The following RHOJ variants were observed in gnomAD, a reference collection of about 807,000 sequenced individuals.
RHOJ encodes rho-related GTP-binding protein RhoJ.
Under a neutral mutation model 23.4 loss-of-function variants are expected in RHOJ, and 11 were observed. That is an observed-to-expected ratio of 0.47 (90% CI 0.30 to 0.78). The LOEUF (loss-of-function observed/expected upper bound fraction) is 0.78. Ranked by LOEUF, RHOJ falls within the 30% of genes least tolerant of loss-of-function variation. RHOJ has a pLI of 0.08. For missense variants in RHOJ, 254 were observed against 273.4 expected, an observed-to-expected ratio of 0.93 and a Z score of 0.50; for synonymous variants, 102 against 102.7, an observed-to-expected ratio of 0.99 and a Z score of 0.04.
chr14:63,260,891 C>T (rs1385433017), intron 1 of RHOJ, among the ~76,000 whole-genome samples: 1 of 151,822 alleles, frequency 6.6e-6, no homozygotes. Flanking sequence ...ATATAAATAC[C>T]TGATAGTACT....
intron 1 of RHOJ, among the ~76,000 whole-genome samples, chr14:63,263,802 T>C (rs1895315651): frequency 6.6e-6 from 1 of 152,160 alleles, no homozygotes; most frequent in Non-Finnish European, 1.5e-5. Flanking sequence ...GCCATCAGAA[T>C]GAAGCCTCAG....
At chr14:63,206,480 A>G (rs1248693498) in intron 1 of RHOJ, among the ~76,000 whole-genome samples, 7 of 152,196 alleles carry the variant, frequency 4.6e-5, no homozygotes, top group Admixed American at 3.9e-4. Context: ...CATCTTAGCA[A>G]AAGTTATTTA....
At chr14:63,283,356 C>G (rs575523238) in intron 4 of RHOJ, 140 bp downstream of exon 4, 2 of 720,560 alleles carry the variant, frequency 2.8e-6, no homozygotes, top group Admixed American at 2.1e-5. Flanking sequence ...CTATTCTCCC[C>G]CTCTGTTCTA....
chr14:63,229,935 C>T (rs1894660625), intron 1 of RHOJ, among the ~76,000 whole-genome samples: 1 of 152,182 alleles, frequency 6.6e-6, no homozygotes. Context: ...CACTAATTAT[C>T]CCTAAGGAAT....
In RHOJ at chr14:63,227,507, A is replaced by T. The variant is rs546961415; in HGVS notation, c.178+22460A>T. ...CAATCTTAATAAAAAGTCTAGTTCA[A>T]GTTTATATAGAAAAACAAAACAAAC... On this transcript the variant is annotated intron_variant, in intron 1 of 4. Transcript: ENST00000316754. Among the ~76,000 whole-genome samples the T allele has an allele frequency of 2.0e-5, 3 of 152,338 alleles. No homozygotes were observed. The South Asian group carries it at 6.2e-4, about 32-fold the overall frequency.
chr14:63,231,519 T>C (rs1404161180), intron 1 of RHOJ, among the ~76,000 whole-genome samples: 2 of 152,212 alleles, frequency 1.3e-5, no homozygotes, highest in African/African-American at 2.4e-5. Context: ...TGTATAGCCA[T>C]GTTAGGAATG....
intron 1 of RHOJ, among the ~76,000 whole-genome samples, chr14:63,252,583 C>T (rs1170507964): frequency 6.6e-6 from 1 of 152,128 alleles, no homozygotes; most frequent in East Asian, 1.9e-4. Context: ...ATCAATAGTC[C>T]TCTAGTGTGC....
intron 2 of RHOJ, among the ~76,000 whole-genome samples, chr14:63,275,929 T>C (rs1232511261): frequency 2.6e-5 from 4 of 152,328 alleles, no homozygotes; most frequent in Non-Finnish European, 5.9e-5. Flanking sequence ...GGGGACACTT[T>C]CTTTTATTAA....
chr14:63,275,241 A>G (rs1416706309), intron 2 of RHOJ, among the ~76,000 whole-genome samples: 1 of 152,200 alleles, frequency 6.6e-6, no homozygotes, highest in Non-Finnish European at 1.5e-5. Context: ...ACTTGAGCCC[A>G]GGAGTTCAAG....
chr14:63,217,924 A>G (rs550397798), intron 1 of RHOJ, among the ~76,000 whole-genome samples: 45 of 152,324 alleles, frequency 3.0e-4, no homozygotes, highest in African/African-American at 1.1e-3. Flanking sequence ...TTGCAGGCCT[A>G]ACAGGATGTA....
chr14:63,250,852 G>A (rs1895058011), intron 1 of RHOJ, among the ~76,000 whole-genome samples: 1 of 151,994 alleles, frequency 6.6e-6, no homozygotes, highest in Non-Finnish European at 1.5e-5. Flanking sequence ...TCGCCAATAT[G>A]GAGAAACCCC....
rs74061925 is a variant in RHOJ at position 63,287,265 on chromosome 14, A to T, written c.499-3613A>T. On this transcript the variant is annotated intron_variant, in intron 4 of 4. Transcript: ENST00000316754. ...TTGGCTCAGGAGGCAGACAAATTCGAATCTCTGCCATTTTCTTAGTTGTGT... is the reference window on the plus strand; with the variant it reads ...TTGGCTCAGGAGGCAGACAAATTCGTATCTCTGCCATTTTCTTAGTTGTGT... 3.9e-3 allele frequency among the ~76,000 whole-genome samples: 599 copies of T among 152,328 alleles called. 5 individuals carry two copies. The highest frequency in any genetic ancestry group is 0.014 in the African/African-American group (574 of 41,564).
At chr14:63,264,085 G>A (rs1895322580) in intron 1 of RHOJ, among the ~76,000 whole-genome samples, 1 of 151,930 alleles carries the variant, frequency 6.6e-6, no homozygotes. Flanking sequence ...GGGTGTGATA[G>A]TACCGATCAC....
Position 63,204,630 on chromosome 14 carries a change from AC to A in RHOJ, c.-239del. The stretch of plus-strand genomic sequence containing the variant: ...TGAAAATGAGGGTTTCTTAACTCAC[AC>A]TGAGAGCGGAAAGGGGCAGACCCTT... On this transcript the variant is annotated 5_prime_UTR_variant, in exon 1 of 5. The change creates a new upstream start codon in the 5' untranslated region. Coordinates refer to ENST00000316754, the MANE Select transcript of RHOJ (RefSeq NM_020663.5). 1.8e-6 allele frequency: 1 copy of A among 550,036 alleles called. No homozygotes were observed. Among genetic ancestry groups the A allele is most frequent in the Non-Finnish European group, 3.2e-6 (1 of 309,754 alleles). The allele number at this position is 550,036 out of a possible 1,614,324, so 34.1% of individuals were successfully genotyped here.
At chr14:63,247,946 A>G (rs1182018977) in intron 1 of RHOJ, among the ~76,000 whole-genome samples, 1 of 152,134 alleles carries the variant, frequency 6.6e-6, no homozygotes, top group Non-Finnish European at 1.5e-5. Context: ...GTGAAAAGGG[A>G]AACGCCTTAT....
intron 1 of RHOJ, among the ~76,000 whole-genome samples, chr14:63,267,611 G>A (rs1164562794): frequency 6.6e-6 from 1 of 152,188 alleles, no homozygotes; most frequent in Admixed American, 6.5e-5. Context: ...ACATCTGACT[G>A]GGCTCTCTTC....
At chr14:63,234,320 T>C (rs1894749200) in intron 1 of RHOJ, among the ~76,000 whole-genome samples, 1 of 152,194 alleles carries the variant, frequency 6.6e-6, no homozygotes, top group African/African-American at 2.4e-5. Flanking sequence ...TTTGTACATC[T>C]CTGCTCCTCC....
intron 1 of RHOJ, among the ~76,000 whole-genome samples, chr14:63,227,703 C>G (rs952898484): frequency 1.3e-5 from 2 of 152,144 alleles, no homozygotes; most frequent in African/African-American, 2.4e-5. Flanking sequence ...GCAAAGGGGA[C>G]TTTCGCAGAA....
intron 1 of RHOJ, among the ~76,000 whole-genome samples, chr14:63,241,730 G>C (rs1475054139): frequency 1.3e-5 from 2 of 152,166 alleles, no homozygotes; most frequent in African/African-American, 4.8e-5. Flanking sequence ...AAGGCGCAAA[G>C]CCCCATCGGC....
Sources: gnomAD v4.1 joint callset for allele counts (sites outside exome capture counted in the v4.1 genomes callset) on GRCh38, gnomAD v4.1.1 for gene constraint, MANE v1.5 for transcripts, NCBI Gene and HGNC (gene_info 2026-07-23, HGNC 2026-07-21) for gene names.